B3GLCT: variants seen among roughly 807,000 people sequenced by gnomAD.
The protein encoded by B3GLCT is beta 3-glucosyltransferase.
Under a neutral mutation model 63.4 loss-of-function variants are expected in B3GLCT, and 65 were observed. That is an observed-to-expected ratio of 1.03 (90% CI 0.84 to 1.26). B3GLCT has a LOEUF of 1.26. Among genes scored for constraint, B3GLCT ranks in the 50% most tolerant of loss-of-function variants. B3GLCT has a pLI of 0.00. For synonymous variants in B3GLCT, 233 were observed against 219.2 expected (o/e 1.06, Z -0.55); for missense variants, 577 against 604.8 (o/e 0.95, Z 0.48).
chr13:31,316,208 C>T (rs2137932212), intron 12 of B3GLCT, among the ~76,000 whole-genome samples: 1 of 151,628 alleles, frequency 6.6e-6, no homozygotes, highest in Non-Finnish European at 1.5e-5. Context: ...ATCTTCCAGA[C>T]CCCAGAATGG....
intron 10 of B3GLCT, among the ~76,000 whole-genome samples, chr13:31,281,928 C>T (rs927546741): frequency 7.2e-5 from 11 of 152,294 alleles, no homozygotes; most frequent in African/African-American, 2.2e-4. Flanking sequence ...CATAGTGAGA[C>T]ACATCTTCTG....
chr13:31,279,123 A>G (rs1285118022), intron 10 of B3GLCT, among the ~76,000 whole-genome samples: 1 of 152,190 alleles, frequency 6.6e-6, no homozygotes, highest in Admixed American at 6.5e-5. Context: ...TGACTTGGCC[A>G]GAAGCTGTGA....
intron 1 of B3GLCT, among the ~76,000 whole-genome samples, chr13:31,210,301 A>C (rs1869189093): frequency 6.6e-6 from 1 of 152,244 alleles, no homozygotes; most frequent in Non-Finnish European, 1.5e-5. Context: ...GGCATGTAAA[A>C]GCATGATTTA....
At chr13:31,319,989 C>T (rs1875255773) in intron 13 of B3GLCT, among the ~76,000 whole-genome samples, 1 of 152,170 alleles carries the variant, frequency 6.6e-6, no homozygotes, top group Admixed American at 6.5e-5. Context: ...TTTCCTAAAT[C>T]TCTCTTCCAT....
chr13:31,247,771 A>T, intron 5 of B3GLCT, 84 bp from the exon 6 acceptor site: 1 of 722,404 alleles, frequency 1.4e-6, no homozygotes, highest in South Asian at 1.5e-5. Context: ...TGTACCCTTC[A>T]TTCACTTCCT....
At position 31,200,096 on chromosome 13, in the gene B3GLCT, C is replaced by A. The variant is rs1334962184; in HGVS notation, c.12C>A (p.Pro4=). The A allele has an allele frequency of 5.1e-6, 7 of 1,374,698 alleles. No individual in the cohort carries two copies. The East Asian group carries it at 2.5e-4, about 48-fold the overall frequency. 85.2% of individuals were successfully genotyped at this position (1,374,698 alleles called of 1,614,324 possible). The part of the protein sequence containing the change: MRP[P]ACWWLLAPPA... ...CCTCCGCCGCCAGGATGCGGCCGCC[C>A]GCCTGCTGGTGGCTGCTCGCGCCGC... Residue 4 remains proline (P), a synonymous_variant, in exon 1 of 15, where the codon CCC becomes CCA. Coordinates refer to ENST00000343307, the MANE Select transcript of B3GLCT (RefSeq NM_194318.4).
At position 31,229,235 on chromosome 13, in the gene B3GLCT, G is replaced by A. The variant is rs1369919621; in HGVS notation, c.211G>A (p.Ala71Thr). The change falls in exon 4 of 15, where the codon GCA (alanine) becomes ACA (threonine). Residue 71 changes from alanine (A) to threonine (T), a missense_variant. Transcript: ENST00000343307. ...CCAGAGTCAAAGTAATTCTTTTCAT[G>A]CAAAGAGAGCAGAGCAGTTAAAAAA... is the stretch of plus-strand genomic sequence containing the variant. ...VIQSQSNSFH[A>T]KRAEQLKKSI... 1 of 1,613,602 alleles carries A rather than the reference G, an allele frequency of 6.2e-7. No individual in the cohort carries two copies. The highest frequency in any genetic ancestry group is 8.5e-7 in the Non-Finnish European group (1 of 1,179,604).
chr13:31,249,742 G>A (rs1357773118), intron 6 of B3GLCT, among the ~76,000 whole-genome samples: 2 of 152,190 alleles, frequency 1.3e-5, no homozygotes, highest in African/African-American at 2.4e-5. Flanking sequence ...CATCCAGGAT[G>A]CTTTATTTCT....
chr13:31,329,484 C>G lies in B3GLCT; in HGVS notation c.1330-17C>G. Reference sequence around the variant, plus strand: ...ATTCAATCAACAAGGAAGCCTAACTCTCTATTTTTCCTGCAGGCTCGGCCG... The same window carrying G: ...ATTCAATCAACAAGGAAGCCTAACTGTCTATTTTTCCTGCAGGCTCGGCCG... On this transcript the variant is annotated splice_polypyrimidine_tract_variant and intron_variant, in intron 14 of 14. Transcript: ENST00000343307. The G allele has an allele frequency of 6.2e-7, 1 of 1,614,088 alleles. No homozygotes were observed. The highest frequency in any genetic ancestry group is 8.5e-7 in the Non-Finnish European group (1 of 1,179,950).
intron 13 of B3GLCT, among the ~76,000 whole-genome samples, chr13:31,320,035 G>T (rs1409057627): frequency 6.6e-6 from 1 of 151,956 alleles, no homozygotes; most frequent in Admixed American, 6.5e-5. Flanking sequence ...TCTCAGCCAG[G>T]TCACTGTCAT....
At chr13:31,226,373 G>A (rs545664086) in intron 3 of B3GLCT, among the ~76,000 whole-genome samples, 56 of 152,352 alleles carry the variant, frequency 3.7e-4, no homozygotes, top group Non-Finnish European at 5.7e-4. Context: ...GAAAAAGGGA[G>A]AGGCCAGCAT....
chr13:31,280,520 G>A (rs1051987981), intron 10 of B3GLCT, among the ~76,000 whole-genome samples: 2 of 152,200 alleles, frequency 1.3e-5, no homozygotes, highest in African/African-American at 4.8e-5. Flanking sequence ...CTGGCACTGG[G>A]TGGTGATGGC....
At chr13:31,220,759 G>C (rs749649383) in intron 2 of B3GLCT, among the ~76,000 whole-genome samples, 3 of 152,214 alleles carry the variant, frequency 2.0e-5, no homozygotes, top group Non-Finnish European at 4.4e-5. Context: ...CAGAGCTGCT[G>C]TGTTTAATGG....
chr13:31,264,143 C>G (rs2137835988), intron 7 of B3GLCT, among the ~76,000 whole-genome samples: 1 of 152,192 alleles, frequency 6.6e-6, no homozygotes. Context: ...ATGGCCTCAT[C>G]ACCTCCCAAA....
At chr13:31,266,401 A>C (rs1237634198) in intron 7 of B3GLCT, among the ~76,000 whole-genome samples, 2 of 152,242 alleles carry the variant, frequency 1.3e-5, no homozygotes, top group Non-Finnish European at 2.9e-5. Context: ...TAATGAGGAA[A>C]CATTTCATCT....
chr13:31,273,183 C>T (rs1214068085), intron 8 of B3GLCT, among the ~76,000 whole-genome samples: 14 of 152,224 alleles, frequency 9.2e-5, no homozygotes, highest in African/African-American at 3.4e-4. Flanking sequence ...CAACCTCCAT[C>T]TCCCGGGTTC....
At chr13:31,221,659 C>A (rs533506706) in intron 2 of B3GLCT, among the ~76,000 whole-genome samples, 150 of 152,330 alleles carry the variant, frequency 9.8e-4, no homozygotes, top group South Asian at 6.4e-3. Context: ...TTAGCTCTCT[C>A]TTCCCCGAGT....
intron 5 of B3GLCT, 103 bp from the exon 6 acceptor site, chr13:31,247,752 G>T: frequency 3.2e-6 from 2 of 618,052 alleles, no homozygotes; most frequent in Non-Finnish European, 5.8e-6. Context: ...AATTAGATAT[G>T]CCATTCTGTG....
At chr13:31,317,395 T>G (rs1366655764) in intron 12 of B3GLCT, among the ~76,000 whole-genome samples, 171 bp from the exon 13 acceptor site, 1 of 152,236 alleles carries the variant, frequency 6.6e-6, no homozygotes, top group African/African-American at 2.4e-5. Context: ...CTTTTCTTTT[T>G]TTGTTGTTGT....
Sources: allele counts gnomAD v4.1 joint callset (sites outside exome capture counted in the v4.1 genomes callset), GRCh38; gene constraint gnomAD v4.1.1; transcripts MANE v1.5; gene names NCBI Gene and HGNC (gene_info 2026-07-23, HGNC 2026-07-21).